Variants in CAPN3 observed in about 807,000 individuals in gnomAD.
The protein encoded by CAPN3 is calpain-3.
CAPN3 carries 88 observed loss-of-function variants against 114.0 expected under a neutral mutation model. That is an observed-to-expected ratio of 0.77 (90% CI 0.65 to 0.92). The LOEUF is 0.92. Ranked by LOEUF, CAPN3 falls within the 40% of genes least tolerant of loss-of-function variation. The probability of loss-of-function intolerance (pLI) is 0.00; values close to 1 mark genes in which losing one functional copy is unlikely to be tolerated. For synonymous variants in CAPN3, 386 were observed against 382.9 expected (o/e 1.01, Z -0.09); for missense variants, 1,028 against 1,069.0 (o/e 0.96, Z 0.53).
At chr15:42,371,630 C>T (rs1046337380) in intron 1 of CAPN3, among the ~76,000 whole-genome samples, 1 of 152,032 alleles carries the variant, frequency 6.6e-6, no homozygotes, top group Non-Finnish European at 1.5e-5. Flanking sequence ...GTTACAGATA[C>T]CTTCTCCCAC....
intron 1 of CAPN3, among the ~76,000 whole-genome samples, chr15:42,367,589 T>G (rs2052821539): frequency 6.6e-6 from 1 of 152,260 alleles, no homozygotes; most frequent in Non-Finnish European, 1.5e-5. Context: ...GGAACTACTT[T>G]CAGCCTTTCC....
intron 1 of CAPN3, among the ~76,000 whole-genome samples, chr15:42,377,020 C>T (rs2053106457): frequency 6.6e-6 from 1 of 152,126 alleles, no homozygotes; most frequent in African/African-American, 2.4e-5. Context: ...AACTTGGAAT[C>T]TTGCAACTGA....
chr15:42,410,699 A>C (rs1431207888), intron 21 of CAPN3, 33 bp downstream of exon 21: 1 of 1,580,178 alleles, frequency 6.3e-7, no homozygotes, highest in South Asian at 1.1e-5. Flanking sequence ...AGGGATGTGG[A>C]CCCGAGACGG....
chr15:42,402,028 G>T, intron 11 of CAPN3, 96 bp from the exon 12 acceptor site: 1 of 1,522,180 alleles, frequency 6.6e-7, no homozygotes. Flanking sequence ...TGGGGGTCAG[G>T]CTTCCGCATG....
chr15:42,392,848 A>T, intron 7 of CAPN3, 126 bp downstream of exon 7: 2 of 705,686 alleles, frequency 2.8e-6, no homozygotes, highest in Non-Finnish European at 5.0e-6. Context: ...ATTCAGTTCA[A>T]GGTCCAAGCC....
chr15:42,411,980 G>T lies in CAPN3; in HGVS notation c.*207G>T, dbSNP rs1011248551. 1.4e-5 allele frequency: 21 copies of T among 1,511,052 alleles called. No homozygotes were observed. Among genetic ancestry groups the T allele is most frequent in the Non-Finnish European group, 1.9e-5 (21 of 1,129,240 alleles). 93.6% of individuals were successfully genotyped at this position (1,511,052 alleles called of 1,614,324 possible). The stretch of plus-strand genomic sequence containing the variant: ...CCTGACCCTTTAGTAAAGCAATGAG[G>T]TAGGAAGAACAAACCCTTGTCCCTT... On this transcript the variant is annotated 3_prime_UTR_variant, in exon 24 of 24. Coordinates refer to ENST00000397163, the MANE Select transcript of CAPN3 (RefSeq NM_000070.3).
chr15:42,366,382 C>T (rs1454656761), intron 1 of CAPN3, among the ~76,000 whole-genome samples: 2 of 152,148 alleles, frequency 1.3e-5, no homozygotes, highest in African/African-American at 4.8e-5. Flanking sequence ...CCAAGGTCCT[C>T]ATCATCCAGG....
rs1004756898 is a variant in CAPN3 at position 42,386,407 on chromosome 15, C to T, written c.498+122C>T. On this transcript the variant is annotated intron_variant, in intron 3 of 23. Coordinates refer to ENST00000397163, the MANE Select transcript of CAPN3 (RefSeq NM_000070.3). Reference sequence around the variant, plus strand: ...CCCATCTACCCGCAGCGGCAACAGTCGGCATGGACCCCCTTAAGGCTTCAA... The same window carrying T: ...CCCATCTACCCGCAGCGGCAACAGTTGGCATGGACCCCCTTAAGGCTTCAA... 20 of 784,624 alleles carry T rather than the reference C, an allele frequency of 2.5e-5. 1 individual carries two copies. The highest frequency in any genetic ancestry group is 1.7e-4 in the East Asian group (7 of 41,028). The allele number at this position is 784,624 out of a possible 1,614,324, so 48.6% of individuals were successfully genotyped here. A position where few individuals can be genotyped will look rare whatever the true frequency, so the allele number is the denominator to read the frequency against.
At chr15:42,375,663 G>A (rs2053073450) in intron 1 of CAPN3, among the ~76,000 whole-genome samples, 1 of 152,178 alleles carries the variant, frequency 6.6e-6, no homozygotes, top group African/African-American at 2.4e-5. Flanking sequence ...TAAATAAACT[G>A]TAAATTTCAG....
chr15:42,389,975 G>T lies in CAPN3; in HGVS notation c.824G>T (p.Gly275Val). 6.2e-7 allele frequency: 1 copy of T among 1,614,050 alleles called. No individual in the cohort carries two copies. The highest frequency in any genetic ancestry group is 1.1e-5 in the South Asian group (1 of 91,064). Residue 275 changes from glycine to valine, a missense_variant, in exon 6 of 24, where the codon GGA (glycine) becomes GTA (valine). Transcript: ENST00000397163. ...CAGGATGGCACGAACATGACCTATG[G>T]AACCTCTCCTTCTGGTCTGAACATG... ...SIDDGTNMTY[G>V]TSPSGLNMGE...
intron 1 of CAPN3, among the ~76,000 whole-genome samples, chr15:42,369,327 C>T (rs1200978938): frequency 6.6e-6 from 1 of 152,050 alleles, no homozygotes; most frequent in Non-Finnish European, 1.5e-5. Context: ...AGTTTTTGAT[C>T]AAGGGGCACT....
intron 8 of CAPN3, 75 bp downstream of exon 8, chr15:42,394,416 C>G: frequency 8.7e-7 from 1 of 1,150,348 alleles, no homozygotes; most frequent in South Asian, 1.3e-5. Flanking sequence ...GGGAACTGAG[C>G]CATGAGAGTA....
intron 8 of CAPN3, among the ~76,000 whole-genome samples, chr15:42,395,339 C>T (rs922256889): frequency 6.6e-6 from 1 of 152,160 alleles, no homozygotes; most frequent in African/African-American, 2.4e-5. Context: ...TGACTTCTGC[C>T]AGGCCCTAGG....
chr15:42,407,006 C>G (rs1364415408), intron 15 of CAPN3, among the ~76,000 whole-genome samples: 1 of 152,172 alleles, frequency 6.6e-6, no homozygotes, highest in East Asian at 1.9e-4. Flanking sequence ...TCCAGGCGGG[C>G]TGCTTTTCTG....
chr15:42,411,765 T>A lies in CAPN3; in HGVS notation c.2458T>A (p.Tyr820Asn). 6.2e-7 allele frequency: 1 copy of A among 1,606,658 alleles called. No homozygotes were observed. The highest frequency in any genetic ancestry group is 8.5e-7 in the Non-Finnish European group (1 of 1,175,382). ...NVLEWLQLTM[Y>N]A is the part of the protein sequence containing the mutation. ...CTTTCAGTGGCTGCAGCTCACCATG[T>A]ATGCCTGAACCAGGCTGGCCTCATC... The change falls in exon 24 of 24, where the codon TAT becomes AAT. Residue 820 changes from tyrosine (Y) to asparagine (N), a missense_variant. Tyr to Asn is a moderately radical substitution (Grantham distance 143). Transcript: ENST00000397163.
At chr15:42,403,066 A>T in intron 13 of CAPN3, 64 bp downstream of exon 13, 1 of 1,392,190 alleles carries the variant, frequency 7.2e-7, no homozygotes, top group Non-Finnish European at 1.0e-6. Flanking sequence ...CCAGAGGTTG[A>T]AGGCATGAGG....
At chr15:42,403,701 C>T in intron 13 of CAPN3, 40 bp from the exon 14 acceptor site, 1 of 1,600,670 alleles carries the variant, frequency 6.2e-7, no homozygotes, top group South Asian at 1.1e-5. Flanking sequence ...CTGCTTGCTT[C>T]TGGTGACACT....
At chr15:42,390,134 C>G in intron 6 of CAPN3, 38 bp downstream of exon 6, 1 of 1,613,034 alleles carries the variant, frequency 6.2e-7, no homozygotes, top group Non-Finnish European at 8.5e-7. Context: ...GACCATCCCT[C>G]CAACCCACAT....
intron 8 of CAPN3, 52 bp from the exon 9 acceptor site, chr15:42,396,748 C>A: frequency 1.4e-6 from 2 of 1,402,656 alleles, no homozygotes; most frequent in South Asian, 1.2e-5. Flanking sequence ...TCCCAACCTA[C>A]ATCAGGCCTT....
Sources: gnomAD v4.1 joint callset for allele counts (sites outside exome capture counted in the v4.1 genomes callset) on GRCh38, gnomAD v4.1.1 for gene constraint, MANE v1.5 for transcripts, NCBI Gene and HGNC (gene_info 2026-07-23, HGNC 2026-07-21) for gene names.